Variants in HS3ST4 observed in about 807,000 individuals in gnomAD.
The protein encoded by HS3ST4 is heparan sulfate glucosamine 3-O-sulfotransferase 4.
Under a neutral mutation model 29.2 loss-of-function variants are expected in HS3ST4, and 17 were observed. The ratio of observed to expected loss-of-function variants is 0.58; its 90% confidence interval spans 0.40 to 0.87. The LOEUF (loss-of-function observed/expected upper bound fraction) is 0.87, where lower values mean the gene tolerates loss of function less well. Ranked by LOEUF, HS3ST4 falls within the 40% of genes least tolerant of loss-of-function variation. The pLI is 0.00. For missense variants in HS3ST4, 627 were observed against 634.5 expected, an observed-to-expected ratio of 0.99 and a Z score of 0.13; for synonymous variants, 314 against 285.7, an observed-to-expected ratio of 1.10 and a Z score of -1.00.
chr16:25,816,750 G>A (rs953513786), intron 1 of HS3ST4, among the ~76,000 whole-genome samples: 6 of 152,116 alleles, frequency 3.9e-5, no homozygotes, highest in African/African-American at 1.4e-4. Flanking sequence ...TACAGGCTAC[G>A]AAGTCAGAGG....
intron 1 of HS3ST4, among the ~76,000 whole-genome samples, chr16:26,119,594 G>C (rs1391069724): frequency 6.6e-6 from 1 of 152,058 alleles, no homozygotes; most frequent in African/African-American, 2.4e-5. Flanking sequence ...GCTGCAATGT[G>C]GTGTGTTAGG....
chr16:26,125,431 T>A (rs186599164), intron 1 of HS3ST4, among the ~76,000 whole-genome samples: 24 of 152,326 alleles, frequency 1.6e-4, no homozygotes, highest in Non-Finnish European at 1.5e-5. Context: ...CTAATGATGC[T>A]GCTGATCTGA....
intron 1 of HS3ST4, among the ~76,000 whole-genome samples, chr16:25,903,415 A>G (rs1968142235): frequency 6.8e-6 from 1 of 147,916 alleles, no homozygotes; most frequent in African/African-American, 2.5e-5. Context: ...CACAATTTGG[A>G]CTCTCATGTT....
intron 1 of HS3ST4, among the ~76,000 whole-genome samples, chr16:25,948,633 G>T (rs1415043103): frequency 6.6e-6 from 1 of 152,082 alleles, no homozygotes; most frequent in Non-Finnish European, 1.5e-5. Context: ...TGATTCTTGA[G>T]TTTAGGTATG....
intron 1 of HS3ST4, among the ~76,000 whole-genome samples, chr16:25,908,144 T>C (rs926765758): frequency 2.0e-5 from 3 of 152,114 alleles, no homozygotes; most frequent in African/African-American, 4.8e-5. Flanking sequence ...TTTTCGGAGC[T>C]TGGAAAACAG....
intron 1 of HS3ST4, among the ~76,000 whole-genome samples, chr16:26,084,769 G>T (rs79102094): frequency 2.7e-5 from 4 of 148,866 alleles, no homozygotes; most frequent in Admixed American, 6.7e-5. Flanking sequence ...AGTTGTTGTT[G>T]TTTTTTTTTT....
rs71158979 is a variant in HS3ST4 at position 25,904,143 on chromosome 16, GATGGATGGATGA to G, written c.734+211000_734+211011del. Reference sequence around the variant, plus strand: ...GGATGGATGGATGGATGGATGGATGGATGGATGGATGAATGGATGAATGGATGGATGGATGGA... The same window carrying G: ...GGATGGATGGATGGATGGATGGATGGATGGATGAATGGATGGATGGATGGA... On this transcript the variant is annotated intron_variant, in intron 1 of 1. Transcript: ENST00000331351. 9.9e-5 allele frequency among the ~76,000 whole-genome samples: 8 copies of G among 80,736 alleles called. No homozygotes were observed. The South Asian group carries it at 1.0e-3, about 10-fold the overall frequency. The allele number at this position is 80,736 out of a possible 152,430, so 53.0% of individuals were successfully genotyped here.
intron 1 of HS3ST4, among the ~76,000 whole-genome samples, chr16:25,831,387 C>A (rs1596584931): frequency 7.1e-6 from 1 of 141,632 alleles, no homozygotes; most frequent in South Asian, 2.3e-4. Flanking sequence ...CATAATGAGA[C>A]CCCGTCTCTA....
chr16:26,127,012 G>A (rs1279850144), intron 1 of HS3ST4, among the ~76,000 whole-genome samples: 2 of 152,090 alleles, frequency 1.3e-5, no homozygotes, highest in African/African-American at 2.4e-5. Flanking sequence ...TTGGCAATGG[G>A]AGTGTGTGAT....
At chr16:26,012,206 T>A (rs983387479) in intron 1 of HS3ST4, among the ~76,000 whole-genome samples, 5 of 152,336 alleles carry the variant, frequency 3.3e-5, no homozygotes, top group Non-Finnish European at 5.9e-5. Flanking sequence ...ATCCATGTTT[T>A]ATCTCCACAC....
chr16:25,739,560 G>T lies in HS3ST4; in HGVS notation c.734+46409G>T, dbSNP rs984955487. 3.9e-5 allele frequency among the ~76,000 whole-genome samples: 6 copies of T among 152,298 alleles called. No homozygotes were observed. The East Asian group carries it at 7.7e-4, about 20-fold the overall frequency. The stretch of plus-strand genomic sequence containing the variant: ...CGAAAGACTCACCAATGGTTAGCTG[G>T]CTGTCATCATGACTATATGCCACTC... On this transcript the variant is annotated intron_variant, in intron 1 of 1. Coordinates refer to ENST00000331351, the MANE Select transcript of HS3ST4 (RefSeq NM_006040.3).
At chr16:25,731,721 C>A (rs1966571108) in intron 1 of HS3ST4, among the ~76,000 whole-genome samples, 1 of 152,140 alleles carries the variant, frequency 6.6e-6, no homozygotes, top group African/African-American at 2.4e-5. Context: ...TTGGTCCTTT[C>A]TTTGGAATGT....
intron 1 of HS3ST4, among the ~76,000 whole-genome samples, chr16:25,706,544 C>A (rs372961819): frequency 1.3e-5 from 2 of 152,080 alleles, no homozygotes; most frequent in Non-Finnish European, 2.9e-5. Flanking sequence ...CTCCCCACCC[C>A]CCGACAGGCC....
intron 1 of HS3ST4, among the ~76,000 whole-genome samples, chr16:25,714,241 A>G (rs1966436769): frequency 6.6e-6 from 1 of 152,172 alleles, no homozygotes; most frequent in Non-Finnish European, 1.5e-5. Context: ...GACTCTCTCC[A>G]CGGCTCATCA....
At chr16:25,861,852 G>A (rs530978506) in intron 1 of HS3ST4, among the ~76,000 whole-genome samples, 2 of 152,290 alleles carry the variant, frequency 1.3e-5, no homozygotes, top group Admixed American at 1.3e-4. Flanking sequence ...GTAACTTTAT[G>A]CATGATTTTA....
intron 1 of HS3ST4, among the ~76,000 whole-genome samples, chr16:25,909,392 T>C (rs1286533534): frequency 6.6e-6 from 1 of 152,150 alleles, no homozygotes; most frequent in African/African-American, 2.4e-5. Context: ...TTTAGCCATG[T>C]TGTCCAGGCT....
chr16:25,805,545 G>A (rs939847452), intron 1 of HS3ST4, among the ~76,000 whole-genome samples: 9 of 151,830 alleles, frequency 5.9e-5, no homozygotes, highest in African/African-American at 1.9e-4. Context: ...CCCTGGTATC[G>A]GCAACTTTCA....
At chr16:26,073,274 A>G (rs1898621463) in intron 1 of HS3ST4, among the ~76,000 whole-genome samples, 1 of 152,232 alleles carries the variant, frequency 6.6e-6, no homozygotes, top group South Asian at 2.1e-4. Context: ...GATGAGGTTG[A>G]AATTTGTGTA....
chr16:26,048,187 T>C (rs1468797953), intron 1 of HS3ST4, among the ~76,000 whole-genome samples: 1 of 152,244 alleles, frequency 6.6e-6, no homozygotes, highest in African/African-American at 2.4e-5. Flanking sequence ...GGGCATAGCC[T>C]AATGACCTCA....
Sources: allele counts gnomAD v4.1 joint callset (sites outside exome capture counted in the v4.1 genomes callset), GRCh38; gene constraint gnomAD v4.1.1; transcripts MANE v1.5; gene names NCBI Gene and HGNC (gene_info 2026-07-23, HGNC 2026-07-21).